OR52E5: variants seen among roughly 807,000 people sequenced by gnomAD.
OR52E5 encodes olfactory receptor 52E5.
chr11:5,893,570 A>G (rs574103367), intron 1 of OR52E5, among the ~76,000 whole-genome samples: 1 of 152,252 alleles, frequency 6.6e-6, no homozygotes, highest in East Asian at 1.9e-4. Flanking sequence ...TTAAAAAAAA[A>G]AGAGCATTTC....
In OR52E5 at chr11:5,902,472, C is replaced by A. The variant is rs1590406577; in HGVS notation, c.*712C>A. On this transcript the variant is annotated 3_prime_UTR_variant, in exon 3 of 3. Coordinates refer to ENST00000610445, the MANE Select transcript of OR52E5 (RefSeq NM_001005166.5). ...TCAGCTCTCCAGATCCAGATTATCC[C>A]AACGCATGGGCCTCTTCATGGACCT... is the stretch of plus-strand genomic sequence containing the variant. 6.6e-6 allele frequency: 1 copy of A among 152,104 alleles called. No homozygotes were observed. Among genetic ancestry groups the A allele is most frequent in the East Asian group, 1.9e-4 (1 of 5,196 alleles). 9.4% of individuals were successfully genotyped at this position (152,104 alleles called of 1,614,324 possible).
chr11:5,894,278 T>A (rs141192711), intron 1 of OR52E5, among the ~76,000 whole-genome samples: 119 of 152,258 alleles, frequency 7.8e-4, no homozygotes, highest in African/African-American at 2.8e-3. Context: ...GGACCCCTCT[T>A]CAAGAGCTTC....
chr11:5,899,450 C>T (rs975151238), intron 2 of OR52E5, among the ~76,000 whole-genome samples: 1 of 152,138 alleles, frequency 6.6e-6, no homozygotes, highest in African/African-American at 2.4e-5. Flanking sequence ...GATACAAACC[C>T]AAATACACAT....
rs1407151514 is a variant in OR52E5 at position 5,901,946 on chromosome 11, A to G, written c.*186A>G. ...CCCATTAAAAGTGCAAAAAGTACTCACACTTAAGCCCCATGATACTACAAA... is the reference window on the plus strand; with the variant it reads ...CCCATTAAAAGTGCAAAAAGTACTCGCACTTAAGCCCCATGATACTACAAA... On this transcript the variant is annotated 3_prime_UTR_variant, in exon 3 of 3. Coordinates refer to ENST00000610445, the MANE Select transcript of OR52E5 (RefSeq NM_001005166.5). 7.7e-6 allele frequency: 3 copies of G among 390,226 alleles called. No individual in the cohort carries two copies. The highest frequency in any genetic ancestry group is 3.6e-5 in the East Asian group (1 of 27,500). 24.2% of individuals were successfully genotyped at this position (390,226 alleles called of 1,614,324 possible).
intron 2 of OR52E5, among the ~76,000 whole-genome samples, chr11:5,898,354 A>G (rs1847203701): frequency 6.6e-6 from 1 of 152,088 alleles, no homozygotes; most frequent in African/African-American, 2.4e-5. Context: ...TCAGATGCAT[A>G]GTTTGCAAAT....
chr11:5,894,575 A>G (rs1847147783), intron 1 of OR52E5, among the ~76,000 whole-genome samples: 1 of 152,206 alleles, frequency 6.6e-6, no homozygotes, highest in African/African-American at 2.4e-5. Flanking sequence ...AATATGAAGA[A>G]AGACATAGAG....
rs1278443653 is a variant in OR52E5, at chr11:5,902,223, C to CT, written c.*466dup. On this transcript the variant is annotated 3_prime_UTR_variant, in exon 3 of 3. Transcript: ENST00000610445. ...TTGACCTGAGCATTTCACTTAGACT[C>CT]TTTGAGTTCACAATAACAAATTCAT... is the stretch of plus-strand genomic sequence containing the variant. 6.5e-6 allele frequency: 1 copy of CT among 153,346 alleles called. No individual in the cohort carries two copies. The highest frequency in any genetic ancestry group is 6.5e-5 in the Admixed American group (1 of 15,280). 9.5% of individuals were successfully genotyped at this position (153,346 alleles called of 1,614,324 possible).
intron 2 of OR52E5, among the ~76,000 whole-genome samples, chr11:5,898,323 G>C (rs1590403493): frequency 1.3e-5 from 2 of 151,892 alleles, no homozygotes; most frequent in African/African-American, 4.8e-5. Context: ...GTCCTTATTG[G>C]TTCTTGATAT....
chr11:5,895,464 T>A (rs1405046155), intron 1 of OR52E5, among the ~76,000 whole-genome samples, 168 bp from the exon 2 acceptor site: 2 of 152,214 alleles, frequency 1.3e-5, no homozygotes, highest in Admixed American at 1.3e-4. Context: ...CAGTGACAGA[T>A]TAAATAATTT....
intron 2 of OR52E5, among the ~76,000 whole-genome samples, chr11:5,896,988 T>C (rs1289345236): frequency 7.2e-5 from 11 of 152,216 alleles, no homozygotes; most frequent in African/African-American, 1.4e-4. Flanking sequence ...TTATTATTCC[T>C]TTTAGTAAAA....
At chr11:5,898,421 C>T (rs1381384908) in intron 2 of OR52E5, among the ~76,000 whole-genome samples, 1 of 152,114 alleles carries the variant, frequency 6.6e-6, no homozygotes, top group Non-Finnish European at 1.5e-5. Flanking sequence ...ATTTTGGCTG[C>T]ACAGAATCTT....
chr11:5,894,686 A>G (rs1847149599), intron 1 of OR52E5, among the ~76,000 whole-genome samples: 1 of 152,216 alleles, frequency 6.6e-6, no homozygotes, highest in Non-Finnish European at 1.5e-5. Context: ...TCTTCACTGC[A>G]TTTTATGGAA....
chr11:5,896,359 T>C (rs903949583), intron 2 of OR52E5, among the ~76,000 whole-genome samples: 1 of 147,750 alleles, frequency 6.8e-6, no homozygotes, highest in African/African-American at 2.5e-5. Flanking sequence ...AGGTGGAGCT[T>C]GCAGTGAGCT....
In OR52E5 at chr11:5,901,573, A is replaced by G. The variant is rs756739601; in HGVS notation, c.797A>G (p.Asn266Ser). The G allele has an allele frequency of 7.5e-6, 3 of 401,708 alleles. No homozygotes were observed. Among genetic ancestry groups the G allele is most frequent in the Non-Finnish European group, 1.3e-5 (3 of 226,402 alleles). 24.9% of individuals were successfully genotyped at this position (401,708 alleles called of 1,614,324 possible). A position where few individuals can be genotyped will look rare whatever the true frequency, so the allele number is the denominator to read the frequency against. The part of the protein sequence containing the change: ...FSFMTHRFGH[N>S]IPHYIHILLA... ...TTCATGACACACCGCTTTGGCCACA[A>G]CATCCCTCATTACATCCACATTCTT... is the stretch of plus-strand genomic sequence containing the variant. The change falls in exon 3 of 3, where the codon AAC becomes AGC. Residue 266 changes from asparagine to serine, a missense_variant. Physicochemically the swap from Asn to Ser is conservative, Grantham distance 46 (BLOSUM62 1). Transcript: ENST00000610445.
In OR52E5 at chr11:5,902,067, A is replaced by G. The variant is rs4601752; in HGVS notation, c.*307A>G. On this transcript the variant is annotated 3_prime_UTR_variant, in exon 3 of 3. Coordinates refer to ENST00000610445, the MANE Select transcript of OR52E5 (RefSeq NM_001005166.5). ...GAAGATTCTCTGTATTTACATATCC[A>G]AAGCTGAAGTTCATGACGATTAAAA... 201,546 of 212,680 alleles carry G rather than the reference A, an allele frequency of 0.95. 95,557 individuals are homozygous for G. The highest frequency in any genetic ancestry group is 1 in the East Asian group (10,286 of 10,336). The allele number at this position is 212,680 out of a possible 1,614,324, so 13.2% of individuals were successfully genotyped here. A position where few individuals can be genotyped will look rare whatever the true frequency, so the allele number is the denominator to read the frequency against.
rs1316445115 is a variant in OR52E5, at chr11:5,901,066, G to A, written c.290G>A (p.Gly97Asp). The change falls in exon 3 of 3, where the codon GGT becomes GAT. Residue 97 changes from glycine to aspartate, a missense_variant. By Grantham distance (94) the Gly-to-Asp change is moderately conservative (BLOSUM62 -1). Transcript: ENST00000610445. ...TTTAATCTTGGAGAGATTGCATTTG[G>A]TGCCTGCATCACACAGATGTATACC... Reference protein sequence around the residue: ...FWFNLGEIAFGACITQMYTIH... With the variant: ...FWFNLGEIAFDACITQMYTIH... 2.5e-5 allele frequency: 10 copies of A among 401,558 alleles called. No homozygotes were observed. The highest frequency in any genetic ancestry group is 2.2e-5 in the Non-Finnish European group (5 of 226,312). The allele number at this position is 401,558 out of a possible 1,614,324, so 24.9% of individuals were successfully genotyped here. A position where few individuals can be genotyped will look rare whatever the true frequency, so the allele number is the denominator to read the frequency against.
intron 2 of OR52E5, among the ~76,000 whole-genome samples, chr11:5,896,166 G>A (rs1847171002): frequency 6.7e-6 from 1 of 149,512 alleles, no homozygotes; most frequent in Admixed American, 6.7e-5. Flanking sequence ...ACTTTGGGAG[G>A]CTGAGGCGAG....
At chr11:5,893,561 T>TA (rs796269131) in intron 1 of OR52E5, among the ~76,000 whole-genome samples, 337 of 148,474 alleles carry the variant, frequency 2.3e-3, no homozygotes, top group African/African-American at 6.6e-3. Flanking sequence ...GTTTTAAAAT[T>TA]AAAAAAAAAA....
rs1324021352 is a variant in OR52E5 at position 5,900,808 on chromosome 11, C to G, written c.32C>G (p.Pro11Arg). The G allele has an allele frequency of 2.5e-6, 1 of 401,268 alleles. No individual in the cohort carries two copies. The highest frequency in any genetic ancestry group is 4.4e-6 in the Non-Finnish European group (1 of 226,238). 24.9% of individuals were successfully genotyped at this position (401,268 alleles called of 1,614,324 possible). Residue 11 changes from proline to arginine, a missense_variant, in exon 3 of 3, where the codon CCT becomes CGT. Transcript: ENST00000610445. MLHTNNTQFH[P>R]STFLVVGVPG... ...CATACCAACAATACACAGTTTCACC[C>G]TTCCACCTTCCTCGTAGTGGGGGTC...
Sources: gnomAD v4.1 joint callset for allele counts (sites outside exome capture counted in the v4.1 genomes callset) on GRCh38, gnomAD v4.1.1 for gene constraint, MANE v1.5 for transcripts, NCBI Gene and HGNC (gene_info 2026-07-23, HGNC 2026-07-21) for gene names.